DGKI: variants seen among roughly 807,000 people sequenced by gnomAD.
DGKI encodes the protein DAG kinase iota.
A neutral mutation model predicts 147.5 loss-of-function variants in DGKI; 55 were observed. The observed-to-expected ratio is 0.37, with a 90% CI of 0.30 to 0.47. The LOEUF (loss-of-function observed/expected upper bound fraction) is 0.47, where lower values mean the gene tolerates loss of function less well. DGKI is among the 20% of genes least tolerant of loss of function. The pLI, the probability that DGKI is intolerant of heterozygous loss-of-function variation, is 1.00. For missense variants in DGKI, 1,007 were observed against 1,323.8 expected (o/e 0.76, Z 3.71); for synonymous variants, 469 against 477.1 (o/e 0.98, Z 0.22).
intron 1 of DGKI, among the ~76,000 whole-genome samples, chr7:137,696,866 G>A (rs575455958): frequency 3.9e-5 from 6 of 152,202 alleles, no homozygotes; most frequent in African/African-American, 1.2e-4. Flanking sequence ...GAGGTCATTA[G>A]GACAGGCCCC....
chr7:137,740,857 AT>A (rs1410104084), intron 1 of DGKI, among the ~76,000 whole-genome samples: 1 of 152,168 alleles, frequency 6.6e-6, no homozygotes, highest in Non-Finnish European at 1.5e-5. Flanking sequence ...GCCACACCCT[AT>A]TTTTAAGGTA....
chr7:137,585,308 T>G lies in DGKI; in HGVS notation c.1464A>C (p.Gln488His), dbSNP rs768552708. 2 of 1,614,144 alleles carry G rather than the reference T, an allele frequency of 1.2e-6. No individual in the cohort carries two copies. Among genetic ancestry groups the G allele is most frequent in the Admixed American group, 3.3e-5 (2 of 60,024 alleles). ...GCTGTACAACTGTCCCATCTTCCAC[T>G]TGACACAGGATCTTAGAAACAGGTT... ...TDEPVSKILC[Q>H]VEDGTVVQLD... Residue 488 changes from glutamine to histidine, a missense_variant, in exon 14 of 33, where the codon CAA (glutamine) becomes CAC (histidine). By Grantham distance (24) the Gln-to-His change is conservative. Around this residue, in one of 5 missense-constraint regions of DGKI, gnomAD observed 224 missense variants for 382.7 expected, o/e 0.59. Transcript: ENST00000614521.
At chr7:137,553,973 C>T (rs1442464454) in intron 19 of DGKI, among the ~76,000 whole-genome samples, 1 of 152,146 alleles carries the variant, frequency 6.6e-6, no homozygotes, top group Non-Finnish European at 1.5e-5. Context: ...GAACACCTTC[C>T]AACCTCTTGG....
At chr7:137,512,838 CA>C (rs1300864930) in intron 21 of DGKI, among the ~76,000 whole-genome samples, 4 of 151,958 alleles carry the variant, frequency 2.6e-5, no homozygotes, top group African/African-American at 4.8e-5. Flanking sequence ...AATTAGATGG[CA>C]AAAAAGTTTA....
At chr7:137,710,019 C>T (rs572734187) in intron 1 of DGKI, among the ~76,000 whole-genome samples, 164 of 151,030 alleles carry the variant, frequency 1.1e-3, no homozygotes, top group African/African-American at 3.6e-3. Context: ...CATTAAGAGA[C>T]ATAGAGAAGA....
intron 20 of DGKI, among the ~76,000 whole-genome samples, chr7:137,542,093 T>C (rs1817721787): frequency 6.6e-6 from 1 of 152,190 alleles, no homozygotes; most frequent in African/African-American, 2.4e-5. Context: ...CTTGGACATA[T>C]GCTTCCCAAA....
rs114503362 is a variant in DGKI, at chr7:137,747,172, T to C, written c.402-57170A>G. ...ACACCAATTTTGATTGAAGTTACTA[T>C]TATTCACCTCTGTTGTAAAAACTAC... On this transcript the variant is annotated intron_variant, in intron 1 of 32. Coordinates refer to ENST00000614521, the MANE Select transcript of DGKI (RefSeq NM_001321708.2). Among the ~76,000 whole-genome samples the C allele has an allele frequency of 4.2e-3, 647 of 152,270 alleles. 7 individuals are homozygous for C. Among genetic ancestry groups the C allele is most frequent in the African/African-American group, 0.015 (619 of 41,548 alleles).
intron 28 of DGKI, among the ~76,000 whole-genome samples, chr7:137,417,445 A>G (rs1674944780): frequency 6.6e-6 from 1 of 152,182 alleles, no homozygotes; most frequent in African/African-American, 2.4e-5. Context: ...ACACATACCA[A>G]CACAGAAAAC....
At position 137,559,591 on chromosome 7, in the gene DGKI, GAA is replaced by G. The variant is rs544885152; in HGVS notation, c.1948-7025_1948-7024del. ...TACTATAAGTCAAAAATTTTTCTAT[GAA>G]AAAGTCTTGTAAAAATCTCAAAACT... On this transcript the variant is annotated intron_variant, in intron 19 of 32. Coordinates refer to ENST00000614521, the MANE Select transcript of DGKI (RefSeq NM_001321708.2). 2.0e-5 allele frequency among the ~76,000 whole-genome samples: 3 copies of G among 152,008 alleles called. No homozygotes were observed. In the South Asian group the frequency reaches 6.2e-4, roughly 32 times the overall value.
intron 28 of DGKI, among the ~76,000 whole-genome samples, chr7:137,436,649 C>A (rs1161765561): frequency 6.6e-6 from 1 of 152,108 alleles, no homozygotes; most frequent in Non-Finnish European, 1.5e-5. Flanking sequence ...AGAGGAAACC[C>A]TTCCTAATTC....
chr7:137,682,681 T>A (rs753137283), intron 2 of DGKI, among the ~76,000 whole-genome samples: 1 of 152,228 alleles, frequency 6.6e-6, no homozygotes, highest in Non-Finnish European at 1.5e-5. Flanking sequence ...ATAGTTAGAC[T>A]TTATTTCCCC....
chr7:137,608,882 G>T, intron 10 of DGKI, 84 bp downstream of exon 10: 1 of 1,036,428 alleles, frequency 9.6e-7, no homozygotes, highest in Non-Finnish European at 1.5e-6. Flanking sequence ...GGATCCTAGT[G>T]GTACTATTTT....
intron 19 of DGKI, among the ~76,000 whole-genome samples, chr7:137,553,739 C>T (rs1000736559): frequency 4.6e-5 from 7 of 152,124 alleles, no homozygotes; most frequent in Admixed American, 1.3e-4. Flanking sequence ...AAGGTTCCTA[C>T]GTGCCCCTTC....
At chr7:137,778,873 A>C (rs1796440185) in intron 1 of DGKI, among the ~76,000 whole-genome samples, 1 of 152,230 alleles carries the variant, frequency 6.6e-6, no homozygotes, top group African/African-American at 2.4e-5. Context: ...AGTGATCCCT[A>C]AAATCTGCAA....
intron 20 of DGKI, 96 bp from the exon 21 acceptor site, chr7:137,522,062 T>C: frequency 1.2e-6 from 1 of 842,370 alleles, no homozygotes; most frequent in South Asian, 1.7e-5. Flanking sequence ...CTCTTCATGT[T>C]TAGAAGGAAG....
At chr7:137,494,440 C>A (rs1815886139) in intron 21 of DGKI, among the ~76,000 whole-genome samples, 1 of 152,066 alleles carries the variant, frequency 6.6e-6, no homozygotes, top group Non-Finnish European at 1.5e-5. Flanking sequence ...AGGTCACCTA[C>A]AAAGGAAACC....
chr7:137,533,067 C>T (rs1817396125), intron 20 of DGKI, among the ~76,000 whole-genome samples: 1 of 152,084 alleles, frequency 6.6e-6, no homozygotes, highest in Non-Finnish European at 1.5e-5. Flanking sequence ...TTGGGAGGAT[C>T]ACTTGAATTC....
rs745507985 is a variant in DGKI, at chr7:137,678,528, T to TC, written c.606+28dup. 19 of 1,607,176 alleles carry TC rather than the reference T, an allele frequency of 1.2e-5. No individual in the cohort carries two copies. In the African/African-American group the frequency reaches 2.3e-4, roughly 19 times the overall value. Reference sequence around the variant, plus strand: ...TCTATTCATTCAGATCCACAGGCCTTCCCCCAGCAAGACGGAGCGCACACT... The same window carrying TC: ...TCTATTCATTCAGATCCACAGGCCTTCCCCCCAGCAAGACGGAGCGCACACT... On this transcript the variant is annotated intron_variant, in intron 3 of 32. Transcript: ENST00000614521.
chr7:137,426,019 C>A (rs555080257), intron 28 of DGKI, among the ~76,000 whole-genome samples: 1 of 152,090 alleles, frequency 6.6e-6, no homozygotes, highest in African/African-American at 2.4e-5. Context: ...AAAAGGCAGG[C>A]CAACATTCAG....
Sources: gnomAD v4.1 joint callset for allele counts (sites outside exome capture counted in the v4.1 genomes callset) on GRCh38, gnomAD v4.1.1 for gene constraint, gnomAD v4.1.1 regional missense constraint, MANE v1.5 for transcripts, NCBI Gene and HGNC (gene_info 2026-07-23, HGNC 2026-07-21) for gene names.